KIFC3: variants seen among roughly 807,000 people sequenced by gnomAD.
KIFC3 encodes kinesin family member C3.
In KIFC3, 60 loss-of-function variants were observed where a neutral mutation model predicts 101.8. The ratio of observed to expected loss-of-function variants is 0.59; its 90% CI spans 0.48 to 0.73. The LOEUF is 0.73. Ranked by LOEUF, KIFC3 falls within the 30% of genes least tolerant of loss-of-function variation. The pLI is 0.00. For missense variants in KIFC3, 966 were observed against 1,137.1 expected (o/e 0.85, Z 2.16); for synonymous variants, 476 against 482.7 (o/e 0.99, Z 0.18).
chr16:57,857,925 C>G lies in KIFC3; in HGVS notation c.108+4804G>C, dbSNP rs1205719257. 4.9e-5 allele frequency among the ~76,000 whole-genome samples: 7 copies of G among 143,292 alleles called. No homozygotes were observed. The East Asian group carries it at 1.3e-3, about 26-fold the overall frequency. The allele number at this position is 143,292 out of a possible 152,430, so 94.0% of individuals were successfully genotyped here. A position where few individuals can be genotyped will look rare whatever the true frequency, so the allele number is the denominator to read the frequency against. ...CACTGCAACTTCCGCCTCCTGGGTT[C>G]AAGTGATTCTCCTGCCTCAGCCTCC... On this transcript the variant is annotated intron_variant, in intron 1 of 2. Transcript: ENST00000563028.
intron 9 of KIFC3, among the ~76,000 whole-genome samples, chr16:57,768,785 C>A (rs1325540765): frequency 6.6e-6 from 1 of 152,178 alleles, no homozygotes; most frequent in Non-Finnish European, 1.5e-5. Flanking sequence ...CTATAAACAG[C>A]TCGACATGTA....
intron 3 of KIFC3, chr16:57,775,174 C>T: frequency 1.5e-6 from 2 of 1,329,562 alleles, no homozygotes; most frequent in Non-Finnish European, 1.9e-6. Flanking sequence ...CTCAGAGGGG[C>T]ACCCAAAAGG....
intron 3 of KIFC3, among the ~76,000 whole-genome samples, chr16:57,778,526 T>C (rs1363256220): frequency 6.6e-6 from 1 of 152,124 alleles, no homozygotes; most frequent in African/African-American, 2.4e-5. Context: ...TACTCGCAAA[T>C]CATTTATCTG....
At chr16:57,799,225 G>A (rs946091275) in intron 1 of KIFC3, among the ~76,000 whole-genome samples, 1 of 152,238 alleles carries the variant, frequency 6.6e-6, no homozygotes, top group Admixed American at 6.5e-5. Context: ...CACCTACTGT[G>A]TGCAAAGCAA....
intron 3 of KIFC3, among the ~76,000 whole-genome samples, chr16:57,789,668 T>G (rs948030723): frequency 1.1e-4 from 16 of 152,234 alleles, no homozygotes; most frequent in Admixed American, 2.6e-4. Flanking sequence ...CATTTCATGT[T>G]GAACCTCTTT....
intron 1 of KIFC3, among the ~76,000 whole-genome samples, chr16:57,854,642 A>T (rs1416684789): frequency 7.4e-6 from 1 of 135,202 alleles, no homozygotes; most frequent in Admixed American, 7.0e-5. Flanking sequence ...AAAAAAAAAA[A>T]AAGAAAGAAA....
chr16:57,772,562 G>A (rs2051394801), intron 3 of KIFC3, among the ~76,000 whole-genome samples: 1 of 152,068 alleles, frequency 6.6e-6, no homozygotes, highest in Non-Finnish European at 1.5e-5. Flanking sequence ...TGCAACCAAG[G>A]CCACCCCGAT....
intron 17 of KIFC3, 78 bp from the exon 18 acceptor site, chr16:57,759,914 C>T (rs2049626149): frequency 9.2e-7 from 1 of 1,082,076 alleles, no homozygotes; most frequent in African/African-American, 1.6e-5. Flanking sequence ...TCTCTACTCC[C>T]CTGCCCTGCC....
At chr16:57,776,341 C>T in intron 3 of KIFC3, 3 of 985,436 alleles carry the variant, frequency 3.0e-6, no homozygotes, top group Non-Finnish European at 3.6e-6. Context: ...CCGGCCAGGC[C>T]TATCTGTCCC....
At chr16:57,827,023 C>T (rs782015880) in intron 1 of KIFC3, among the ~76,000 whole-genome samples, 1 of 152,222 alleles carries the variant, frequency 6.6e-6, no homozygotes, top group African/African-American at 2.4e-5. Flanking sequence ...GCAACTCACA[C>T]GCTCAGTTAG....
At chr16:57,826,028 G>C (rs1188748206) in intron 1 of KIFC3, among the ~76,000 whole-genome samples, 3 of 152,204 alleles carry the variant, frequency 2.0e-5, no homozygotes, top group Non-Finnish European at 4.4e-5. Flanking sequence ...TGTTCAAACA[G>C]TGCAAACTAT....
At chr16:57,766,008 G>A (rs1247992694) in intron 10 of KIFC3, among the ~76,000 whole-genome samples, 1 of 152,214 alleles carries the variant, frequency 6.6e-6, no homozygotes, top group Non-Finnish European at 1.5e-5. Context: ...GGGCCCCAAT[G>A]AGCAAAGAGC....
intron 2 of KIFC3, 124 bp downstream of exon 2, chr16:57,797,948 G>T: frequency 1.3e-6 from 2 of 1,539,574 alleles, no homozygotes; most frequent in Non-Finnish European, 1.8e-6. Context: ...CTGGGCTGTC[G>T]GTTACCCTGT....
rs1230827207 is a variant in KIFC3 at position 57,802,490 on chromosome 16, C to T, written c.-160G>A. 1.0e-6 allele frequency: 1 copy of T among 983,526 alleles called. No homozygotes were observed. Among genetic ancestry groups the T allele is most frequent in the Non-Finnish European group, 1.2e-6 (1 of 829,278 alleles). 60.9% of individuals were successfully genotyped at this position (983,526 alleles called of 1,614,324 possible). On this transcript the variant is annotated 5_prime_UTR_variant, in exon 1 of 20. Transcript: ENST00000445690. This position sits in a 1 kb window ranked among gnomAD's most constrained non-coding sequence, Gnocchi z 5.0. ...CTCCTCGGCCAGCCCGCTCGCGCCC[C>T]TCCCGCACACTTTCCACAGGAAATG...
exon 1 of KIFC3, chr16:57,862,788 A>G (rs1567351136): frequency 7.8e-7 from 1 of 1,289,624 alleles, no homozygotes; most frequent in South Asian, 1.2e-5. Context: ...CTGGGCTTCC[A>G]TGCAGCTGTC....
intron 1 of KIFC3, among the ~76,000 whole-genome samples, chr16:57,817,812 A>G (rs1582592): frequency 0.029 from 4,489 of 152,184 alleles, 223 homozygotes; most frequent in African/African-American, 0.1. Flanking sequence ...TCTTAATAAG[A>G]CTGATATTGC....
chr16:57,767,036 C>G (rs781992248), intron 9 of KIFC3, 51 bp from the exon 10 acceptor site: 3 of 1,480,690 alleles, frequency 2.0e-6, no homozygotes, highest in African/African-American at 1.4e-5. Flanking sequence ...TCAGCCTTAC[C>G]GGCCTGACTG....
rs1047094313 is a variant in KIFC3, at chr16:57,858,105, C to T, written c.108+4624G>A. ...TGCTGGGATTACAGGCGTGAGCCAC[C>T]GCGCCTGGCCCCACATTTTCTTTAT... On this transcript the variant is annotated intron_variant, in intron 1 of 2. Transcript: ENST00000563028. Among the ~76,000 whole-genome samples, 19 of 152,162 alleles carry T rather than the reference C, an allele frequency of 1.2e-4. 1 individual carries two copies. Among genetic ancestry groups the T allele is most frequent in the Middle Eastern group, 3.4e-3 (1 of 294 alleles).
intron 1 of KIFC3, among the ~76,000 whole-genome samples, chr16:57,815,190 C>T (rs1199328840): frequency 1.3e-5 from 2 of 152,162 alleles, no homozygotes; most frequent in Admixed American, 1.3e-4. Context: ...TCTCTACCCA[C>T]AGAAACAGAC....
Sources: allele counts gnomAD v4.1 joint callset (sites outside exome capture counted in the v4.1 genomes callset), GRCh38; gene constraint gnomAD v4.1.1; non-coding constraint Gnocchi (gnomAD v3.1); transcripts MANE v1.5; gene names NCBI Gene and HGNC (gene_info 2026-07-23, HGNC 2026-07-21).